CADPS2: variants seen among roughly 807,000 people sequenced by gnomAD.
CADPS2 encodes calcium dependent secretion activator 2, also known as calcium-dependent secretion activator 2.
In CADPS2, 93 loss-of-function variants were observed where a neutral mutation model predicts 172.5. That is an observed-to-expected ratio of 0.54 (90% CI 0.46 to 0.64). The LOEUF (loss-of-function observed/expected upper bound fraction) is 0.64. Among genes scored for constraint, CADPS2 ranks in the 30% least tolerant of loss-of-function variants. The pLI is 0.00. For missense variants in CADPS2, 1,420 were observed against 1,565.9 expected (o/e 0.91, Z 1.57); for synonymous variants, 546 against 555.2 (o/e 0.98, Z 0.23).
At chr7:122,518,158 T>C (rs577411634) in intron 8 of CADPS2, among the ~76,000 whole-genome samples, 2 of 152,044 alleles carry the variant, frequency 1.3e-5, no homozygotes, top group South Asian at 2.1e-4. Context: ...AGTTACTCTA[T>C]ATAGAAAGAC....
chr7:122,646,637 T>C (rs2078591022), intron 3 of CADPS2, among the ~76,000 whole-genome samples: 1 of 152,216 alleles, frequency 6.6e-6, no homozygotes, highest in East Asian at 1.9e-4. Context: ...TAAAGAATCG[T>C]TACATGAGAA....
intron 1 of CADPS2, among the ~76,000 whole-genome samples, chr7:122,883,571 T>C (rs928791911): frequency 6.6e-6 from 1 of 152,216 alleles, no homozygotes; most frequent in Non-Finnish European, 1.5e-5. Flanking sequence ...AGTTTTGGCA[T>C]TACTTATTAG....
intron 7 of CADPS2, among the ~76,000 whole-genome samples, chr7:122,558,127 T>C (rs1305644451): frequency 6.6e-6 from 1 of 152,222 alleles, no homozygotes; most frequent in African/African-American, 2.4e-5. Context: ...GTTATAGCAT[T>C]TAGCAGTATC....
Position 122,360,913 on chromosome 7 carries a change from C to T in CADPS2, c.3471+17G>A. On this transcript the variant is annotated intron_variant, in intron 26 of 29. Coordinates refer to ENST00000449022, the MANE Select transcript of CADPS2 (RefSeq NM_017954.11). ...ACAGTTAAAAGACCACAGAAGAGAA[C>T]TCATTCAAATACTTACAGTGAATGA... 1 of 1,610,466 alleles carries T rather than the reference C, an allele frequency of 6.2e-7. No homozygotes were observed. The highest frequency in any genetic ancestry group is 8.5e-7 in the Non-Finnish European group (1 of 1,177,284).
intron 4 of CADPS2, among the ~76,000 whole-genome samples, chr7:122,622,731 A>G (rs2075726979): frequency 6.6e-6 from 1 of 152,174 alleles, no homozygotes. Context: ...CGGCTGGAGG[A>G]TGAAAGCCTA....
chr7:122,675,518 T>C (rs1373541221), intron 2 of CADPS2, among the ~76,000 whole-genome samples: 2 of 152,242 alleles, frequency 1.3e-5, no homozygotes, highest in Admixed American at 6.5e-5. Context: ...CTATCACTGA[T>C]GGGCATTCGG....
chr7:122,796,842 C>T (rs992064090), intron 1 of CADPS2, among the ~76,000 whole-genome samples: 17 of 151,646 alleles, frequency 1.1e-4, no homozygotes, highest in African/African-American at 4.1e-4. Flanking sequence ...CAAAAGCAAT[C>T]GCAACAAAAA....
At chr7:122,748,598 T>C (rs2092819351) in intron 1 of CADPS2, among the ~76,000 whole-genome samples, 1 of 152,070 alleles carries the variant, frequency 6.6e-6, no homozygotes, top group Non-Finnish European at 1.5e-5. Flanking sequence ...AAATATGACA[T>C]AAAATTACTT....
At chr7:122,571,709 A>T (rs1410224727) in intron 7 of CADPS2, among the ~76,000 whole-genome samples, 1 of 152,308 alleles carries the variant, frequency 6.6e-6, no homozygotes, top group Admixed American at 6.5e-5. Flanking sequence ...CTGCTTCGTC[A>T]CTGGTGTGGT....
chr7:122,595,769 A>G (rs913051460), intron 6 of CADPS2, among the ~76,000 whole-genome samples: 1 of 152,086 alleles, frequency 6.6e-6, no homozygotes, highest in African/African-American at 2.4e-5. Flanking sequence ...GTAGAATGGG[A>G]GCAATAGGGA....
intron 1 of CADPS2, among the ~76,000 whole-genome samples, chr7:122,738,328 C>T (rs1375315094): frequency 1.3e-5 from 2 of 151,846 alleles, no homozygotes; most frequent in African/African-American, 4.8e-5. Flanking sequence ...GGCACTAAGC[C>T]CTGCACAACT....
rs2058251371 is a variant in CADPS2 at position 122,491,206 on chromosome 7, C to T, written c.1651+106G>A. 3 of 591,784 alleles carry T rather than the reference C, an allele frequency of 5.1e-6. No homozygotes were observed. The South Asian group carries it at 1.0e-4, about 20-fold the overall frequency. The allele number at this position is 591,784 out of a possible 1,614,324, so 36.7% of individuals were successfully genotyped here. On this transcript the variant is annotated intron_variant, in intron 10 of 29. Transcript: ENST00000449022. Reference sequence around the variant, plus strand: ...TGCCCAGGTATATAAGTGAAATATGCACCCTATTCATCGAGAGGGGTTTAA... The same window carrying T: ...TGCCCAGGTATATAAGTGAAATATGTACCCTATTCATCGAGAGGGGTTTAA...
chr7:122,511,526 A>G (rs2060001912), intron 9 of CADPS2, among the ~76,000 whole-genome samples: 3 of 152,172 alleles, frequency 2.0e-5, no homozygotes, highest in African/African-American at 7.2e-5. Context: ...CAAATAACAT[A>G]CTGAACATCT....
intron 2 of CADPS2, among the ~76,000 whole-genome samples, chr7:122,705,030 C>T (rs555218627): frequency 1.1e-4 from 16 of 152,042 alleles, no homozygotes; most frequent in Non-Finnish European, 8.8e-5. Flanking sequence ...CTCCCAACCC[C>T]GATGGGTGGT....
chr7:122,783,878 T>G (rs1317395125), intron 1 of CADPS2, among the ~76,000 whole-genome samples: 3 of 152,202 alleles, frequency 2.0e-5, no homozygotes, highest in Non-Finnish European at 2.9e-5. Context: ...AGGATTAGGA[T>G]GCCTTCGACC....
Position 122,737,155 on chromosome 7 carries a change from G to C in CADPS2, c.340-87C>G, listed in dbSNP as rs1188791403. The stretch of plus-strand genomic sequence containing the variant: ...TAAAAATCATATTTGCTGTATATTA[G>C]ATTTCACATCTAGAATTAACTTTAT... On this transcript the variant is annotated intron_variant, in intron 1 of 29. Coordinates refer to ENST00000449022, the MANE Select transcript of CADPS2 (RefSeq NM_017954.11). The C allele has an allele frequency of 5.9e-6, 4 of 683,690 alleles. No individual in the cohort carries two copies. The African/African-American group carries it at 7.3e-5, about 12-fold the overall frequency. The allele number at this position is 683,690 out of a possible 1,614,324, so 42.4% of individuals were successfully genotyped here.
chr7:122,486,394 T>C (rs965003100), intron 11 of CADPS2, among the ~76,000 whole-genome samples: 1 of 152,134 alleles, frequency 6.6e-6, no homozygotes. Context: ...GGGATAACTT[T>C]AAGGGATTGA....
chr7:122,575,087 A>AT (rs903973843), intron 7 of CADPS2, among the ~76,000 whole-genome samples: 1 of 151,660 alleles, frequency 6.6e-6, no homozygotes, highest in Non-Finnish European at 1.5e-5. Flanking sequence ...AAATAGTCTT[A>AT]TTTTTTTCTT....
chr7:122,701,628 A>T, intron 2 of CADPS2: 1 of 381,000 alleles, frequency 2.6e-6, no homozygotes, highest in Non-Finnish European at 4.6e-6. Context: ...ACCTAAAAAA[A>T]CAATTAAAAC....
Sources: allele counts gnomAD v4.1 joint callset (sites outside exome capture counted in the v4.1 genomes callset), GRCh38; gene constraint gnomAD v4.1.1; transcripts MANE v1.5; gene names NCBI Gene and HGNC (gene_info 2026-07-23, HGNC 2026-07-21).